The following PAM variants were observed in gnomAD, a reference collection of about 807,000 sequenced individuals.
PAM encodes the protein peptidyl-glycine alpha-amidating monooxygenase.
In PAM, 72 loss-of-function variants were observed where a neutral mutation model predicts 122.1. The ratio of observed to expected loss-of-function variants is 0.59; its 90% CI spans 0.49 to 0.72. The LOEUF (loss-of-function observed/expected upper bound fraction) is 0.72, where lower values mean the gene tolerates loss of function less well. Among genes scored for constraint, PAM ranks in the 30% least tolerant of loss-of-function variants. The pLI, the probability that PAM is intolerant of heterozygous loss-of-function variation, is 0.00. For missense variants in PAM, 1,106 were observed against 1,183.7 expected (o/e 0.93, Z 0.96); for synonymous variants, 389 against 404.4 (o/e 0.96, Z 0.46).
intron 1 of PAM, among the ~76,000 whole-genome samples, chr5:102,810,170 T>G (rs1465850524): frequency 6.6e-6 from 1 of 152,154 alleles, no homozygotes; most frequent in African/African-American, 2.4e-5. Context: ...ATTTCTTCAA[T>G]AACTAGCTCT....
chr5:102,948,284 T>G, intron 8 of PAM, 94 bp from the exon 9 acceptor site: 1 of 642,332 alleles, frequency 1.6e-6, no homozygotes, highest in East Asian at 2.8e-5. Context: ...GCATCACATT[T>G]TATAAACCAA....
At chr5:103,014,368 A>C (rs182082502) in intron 21 of PAM, among the ~76,000 whole-genome samples, 41 of 152,344 alleles carry the variant, frequency 2.7e-4, no homozygotes, top group Non-Finnish European at 5.6e-4. Flanking sequence ...CAATTCAGCA[A>C]ACTTGAAAAG....
At chr5:102,882,084 TATATATATATATATATATATATATATAC>T (rs1561747567) in intron 3 of PAM, among the ~76,000 whole-genome samples, 3 of 60,066 alleles carry the variant, frequency 5.0e-5, no homozygotes, top group Non-Finnish European at 1.0e-4. Flanking sequence ...TATATATATA[TATATATATATATATATATATATATATAC>T]ACCACATTTT....
chr5:102,973,884 T>C (rs1206657168), intron 14 of PAM, among the ~76,000 whole-genome samples: 1 of 152,228 alleles, frequency 6.6e-6, no homozygotes, highest in Non-Finnish European at 1.5e-5. Context: ...TTATTTTTTC[T>C]ACTAATATGT....
At chr5:103,005,335 C>T in intron 18 of PAM, 109 bp downstream of exon 18, 1 of 709,844 alleles carries the variant, frequency 1.4e-6, no homozygotes, top group Non-Finnish European at 2.5e-6. Flanking sequence ...TTCTGTCACC[C>T]AGTAAGTTAT....
intron 1 of PAM, among the ~76,000 whole-genome samples, chr5:102,841,202 G>C (rs1778505800): frequency 6.6e-6 from 1 of 152,034 alleles, no homozygotes; most frequent in East Asian, 1.9e-4. Flanking sequence ...AATTCTTTCA[G>C]GCAACTCATG....
In PAM at chr5:102,930,293, A is replaced by G. The variant is rs564736351; in HGVS notation, c.526+3625A>G. Among the ~76,000 whole-genome samples, 4 of 152,272 alleles carry G rather than the reference A, an allele frequency of 2.6e-5. No individual in the cohort carries two copies. In the South Asian group the frequency reaches 8.3e-4, roughly 32 times the overall value. ...AGGAGTGTGTTTATAGGCAATAATA[A>G]TAATGCATACTGGATCTGAAGTCTG... is the stretch of plus-strand genomic sequence containing the variant. On this transcript the variant is annotated intron_variant, in intron 7 of 25. Coordinates refer to ENST00000438793, the MANE Select transcript of PAM (RefSeq NM_001177306.2).
intron 1 of PAM, among the ~76,000 whole-genome samples, chr5:102,778,658 C>G (rs989291671): frequency 6.6e-6 from 1 of 152,140 alleles, no homozygotes; most frequent in African/African-American, 2.4e-5. Context: ...GTGATTAAAT[C>G]TTACCAAATT....
intron 16 of PAM, among the ~76,000 whole-genome samples, chr5:103,002,327 T>TATA (rs1562203681): frequency 6.6e-6 from 1 of 152,112 alleles, no homozygotes; most frequent in African/African-American, 2.4e-5. Context: ...TATAATAATC[T>TATA]AAAAGGTACT....
Position 102,866,145 on chromosome 5 carries a change from C to T in PAM, c.-51C>T. On this transcript the variant is annotated 5_prime_UTR_variant, in exon 2 of 26. Transcript: ENST00000438793. ...CCGCTGCCCAACCGCCAGCCCCAGC[C>T]CCGCGCTGCGCTGCCCGGTCCTCTC... 7.5e-7 allele frequency: 1 copy of T among 1,338,498 alleles called. No individual in the cohort carries two copies. The highest frequency in any genetic ancestry group is 1.1e-6 in the Non-Finnish European group (1 of 938,470). The allele number at this position is 1,338,498 out of a possible 1,614,324, so 82.9% of individuals were successfully genotyped here. A position where few individuals can be genotyped will look rare whatever the true frequency, so the allele number is the denominator to read the frequency against.
rs147065045 is a variant in PAM, at chr5:102,779,918, T to TATATATATACACAC, written c.-374+24571_-374+24572insTATATATACACACA. Among the ~76,000 whole-genome samples the TATATATATACACAC allele has an allele frequency of 6.8e-4, 65 of 95,642 alleles. 1 individual carries two copies. The South Asian group carries it at 0.012, about 18-fold the overall frequency. The allele number at this position is 95,642 out of a possible 152,430, so 62.7% of individuals were successfully genotyped here. A position where few individuals can be genotyped will look rare whatever the true frequency, so the allele number is the denominator to read the frequency against. On this transcript the variant is annotated intron_variant, in intron 1 of 25. Transcript: ENST00000438793. Reference sequence around the variant, plus strand: ...ATATATATATATATATATATATATATACACACATATATATATGTATATATC... The same window carrying TATATATATACACAC: ...ATATATATATATATATATATATATATATATATATACACACACACACATATATATATGTATATATC...
chr5:102,770,809 T>G (rs114622624), intron 1 of PAM, among the ~76,000 whole-genome samples: 1,525 of 152,234 alleles, frequency 0.01, 24 homozygotes, highest in African/African-American at 0.034. Flanking sequence ...AGTTTTCTTT[T>G]TTTAATGTAT....
At chr5:102,835,099 G>A (rs1022403696) in intron 1 of PAM, among the ~76,000 whole-genome samples, 1 of 151,936 alleles carries the variant, frequency 6.6e-6, no homozygotes, top group African/African-American at 2.4e-5. Flanking sequence ...AGTCATTACT[G>A]GTAATAATAA....
chr5:102,998,340 T>G (rs3756583), intron 16 of PAM, among the ~76,000 whole-genome samples: 61,686 of 151,984 alleles, frequency 0.41, 13,132 homozygotes, highest in African/African-American at 0.53. Flanking sequence ...TTCCCTAATG[T>G]TTTGTCATTC....
In PAM at chr5:102,948,490, T is replaced by A. The variant is rs199667383; in HGVS notation, c.643+45T>A. On this transcript the variant is annotated intron_variant, in intron 9 of 25. Coordinates refer to ENST00000438793, the MANE Select transcript of PAM (RefSeq NM_001177306.2). The stretch of plus-strand genomic sequence containing the variant: ...TATTTACCATTACCTCATTACCTAA[T>A]CTGTAGAAATGGATTTATACTGTAT... 6.7e-6 allele frequency: 6 copies of A among 891,152 alleles called. No individual in the cohort carries two copies. The Admixed American group carries it at 1.1e-4, about 17-fold the overall frequency. The allele number at this position is 891,152 out of a possible 1,614,324, so 55.2% of individuals were successfully genotyped here. A position where few individuals can be genotyped will look rare whatever the true frequency, so the allele number is the denominator to read the frequency against.
chr5:102,768,444 T>G (rs1366718623), intron 1 of PAM, among the ~76,000 whole-genome samples: 1 of 152,060 alleles, frequency 6.6e-6, no homozygotes, highest in Non-Finnish European at 1.5e-5. Flanking sequence ...ATCTTACTTA[T>G]CCTTTCCATT....
chr5:102,925,164 A>C, intron 6 of PAM, 122 bp downstream of exon 6: 1 of 660,126 alleles, frequency 1.5e-6, no homozygotes, highest in Non-Finnish European at 2.8e-6. Flanking sequence ...CTTCACAGTG[A>C]AAGTACTTGC....
rs1170149308 is a variant in PAM at position 103,025,999 on chromosome 5, C to A, written c.2689+665C>A. Among the ~76,000 whole-genome samples, 4 of 152,094 alleles carry A rather than the reference C, an allele frequency of 2.6e-5. No homozygotes were observed. In the East Asian group the frequency reaches 7.7e-4, roughly 29 times the overall value. Reference sequence around the variant, plus strand: ...AACACTTGTCTTAAACCTTAGTTTTCAAGAAAAATTAATTCTATAACAAAC... The same window carrying A: ...AACACTTGTCTTAAACCTTAGTTTTAAAGAAAAATTAATTCTATAACAAAC... On this transcript the variant is annotated intron_variant, in intron 24 of 25. Transcript: ENST00000438793.
chr5:102,898,275 T>A (rs772547567), intron 3 of PAM, among the ~76,000 whole-genome samples: 2 of 151,604 alleles, frequency 1.3e-5, no homozygotes, highest in Non-Finnish European at 3.0e-5. Context: ...CTGAGCCTTA[T>A]GTTAGCAGTT....
Sources: gnomAD v4.1 joint callset for allele counts (sites outside exome capture counted in the v4.1 genomes callset) on GRCh38, gnomAD v4.1.1 for gene constraint, MANE v1.5 for transcripts, NCBI Gene and HGNC (gene_info 2026-07-23, HGNC 2026-07-21) for gene names.